E2F2: variants seen among roughly 807,000 people sequenced by gnomAD.
The protein encoded by E2F2 is transcription factor E2F2.
In E2F2, 22 loss-of-function variants were observed where a neutral mutation model predicts 42.2. The observed-to-expected ratio is 0.52, with a 90% CI of 0.37 to 0.74. The LOEUF (loss-of-function observed/expected upper bound fraction) is 0.74. E2F2 is among the 30% of genes least tolerant of loss of function. E2F2 has a pLI of 0.00. For missense variants in E2F2, 481 were observed against 557.8 expected (o/e 0.86, Z 1.39); for synonymous variants, 248 against 251.6 (o/e 0.99, Z 0.13).
intron 1 of E2F2, among the ~76,000 whole-genome samples, chr1:23,529,622 C>T (rs536555690): frequency 6.6e-6 from 1 of 152,340 alleles, no homozygotes; most frequent in African/African-American, 2.4e-5. Context: ...GAGCTAGCCC[C>T]ACAGCCACCC....
At chr1:23,505,465 A>G (rs1381190528), downstream of E2F2, among the ~76,000 whole-genome samples, 1 of 152,124 alleles carries the variant, frequency 6.6e-6, no homozygotes, top group African/African-American at 2.4e-5. Context: ...GGAGCCTCAG[A>G]ATACTGAGTC....
At position 23,509,955 on chromosome 1, in the gene E2F2, C is replaced by T; in HGVS notation, c.1239G>A (p.Leu413=). The change falls in exon 7 of 7, where the codon CTG becomes CTA. Residue 413 remains leucine, a synonymous_variant. Coordinates refer to ENST00000361729, the MANE Select transcript of E2F2 (RefSeq NM_004091.4). ...FSPSLDQDDY[L]WGLEAGEGIS... ...TGCCCTCACCCGCCTCCAAGCCCCACAGGTAGTCGTCCTGGTCCAAGGATG... is the reference window on the plus strand; with the variant it reads ...TGCCCTCACCCGCCTCCAAGCCCCATAGGTAGTCGTCCTGGTCCAAGGATG... 1 of 1,611,186 alleles carries T rather than the reference C, an allele frequency of 6.2e-7. No individual in the cohort carries two copies.
At chr1:23,513,949 C>T (rs1330681076) in intron 6 of E2F2, among the ~76,000 whole-genome samples, 2 of 151,962 alleles carry the variant, frequency 1.3e-5, no homozygotes, top group African/African-American at 4.8e-5. Context: ...CATGGTGAAA[C>T]CCTGTCTCTA....
chr1:23,523,774 T>C (rs1230189412), intron 2 of E2F2, among the ~76,000 whole-genome samples: 2 of 152,016 alleles, frequency 1.3e-5, no homozygotes, highest in African/African-American at 2.4e-5. Flanking sequence ...CATGGTATGG[T>C]AGAAGTAGTG....
In E2F2 at chr1:23,530,571, C is replaced by G; in HGVS notation, c.223G>C (p.Val75Leu). ...ATPHGPEGQV[V>L]RCLPAGRLPA... ...AGCCGGCCTGCCGGCAGGCATCGCA[C>G]AACTTGGCCCTCGGGTCCGTGGGGA... The change falls in exon 1 of 7, where the codon GTG becomes CTG. Residue 75 changes from valine (V) to leucine (L), a missense_variant. By Grantham distance (32) the Val-to-Leu change is conservative. Transcript: ENST00000361729. This position sits in a 1 kb window ranked among gnomAD's most constrained non-coding sequence, Gnocchi z 4.4. The G allele has an allele frequency of 6.2e-7, 1 of 1,612,174 alleles. No individual in the cohort carries two copies. Among genetic ancestry groups the G allele is most frequent in the Non-Finnish European group, 8.5e-7 (1 of 1,179,498 alleles).
In E2F2 at chr1:23,516,490, G is replaced by A. The variant is rs1400418112; in HGVS notation, c.890C>T (p.Pro297Leu). ...CTCTGGGCACAGGTAGACTTCGATG[G>A]GCCCTTGGGTGCTCTTGAGATATAT... ...LQIYLKSTQG[P>L]IEVYLCPEEV... The change falls in exon 6 of 7, where the codon CCC becomes CTC. Residue 297 changes from proline (P) to leucine (L), a missense_variant. By Grantham distance (98) the Pro-to-Leu change is moderately conservative (BLOSUM62 -3). Transcript: ENST00000361729. 6.2e-7 allele frequency: 1 copy of A among 1,609,492 alleles called. No homozygotes were observed. Among genetic ancestry groups the A allele is most frequent in the Non-Finnish European group, 8.5e-7 (1 of 1,178,090 alleles).
At position 23,531,066 on chromosome 1, in the gene E2F2, C is replaced by A; in HGVS notation, c.-273G>T. ...GTCCCGAGGGCACCGCGACCCGGGACGCCCCGCGCTCCCCAAGGCCTCGGC... is the reference window on the plus strand; with the variant it reads ...GTCCCGAGGGCACCGCGACCCGGGAAGCCCCGCGCTCCCCAAGGCCTCGGC... On this transcript the variant is annotated 5_prime_UTR_variant, in exon 1 of 7. Transcript: ENST00000361729. 2.8e-6 allele frequency: 1 copy of A among 361,800 alleles called. No homozygotes were observed. The highest frequency in any genetic ancestry group is 4.7e-5 in the Admixed American group (1 of 21,320). The allele number at this position is 361,800 out of a possible 1,614,324, so 22.4% of individuals were successfully genotyped here.
At chr1:23,521,755 C>T in intron 3 of E2F2, 82 bp downstream of exon 3, 1 of 1,570,832 alleles carries the variant, frequency 6.4e-7, no homozygotes, top group South Asian at 1.2e-5. Flanking sequence ...CCCTGCCACT[C>T]ACACCCACTG....
Position 23,530,748 on chromosome 1 carries a change from G to T in E2F2, c.46C>A (p.Pro16Thr), listed in dbSNP as rs981777823. 1.3e-6 allele frequency: 2 copies of T among 1,586,384 alleles called. No homozygotes were observed. Among genetic ancestry groups the T allele is most frequent in the African/African-American group, 1.3e-5 (1 of 74,524 alleles). Residue 16 changes from proline (P) to threonine (T), a missense_variant, in exon 1 of 7, where the codon CCG becomes ACG. By Grantham distance (38) the Pro-to-Thr change is conservative. Coordinates refer to ENST00000361729, the MANE Select transcript of E2F2 (RefSeq NM_004091.4). The surrounding 1 kb of genome is among the most constrained non-coding windows in gnomAD (Gnocchi z 4.4). Reference sequence around the variant, plus strand: ...GGGCTCATCGCGGGCACCACCTTCGGGGTCTGCCCAGCGGCCGAAGCCAAG... The same window carrying T: ...GGGCTCATCGCGGGCACCACCTTCGTGGTCTGCCCAGCGGCCGAAGCCAAG... ...RALASAAGQT[P>T]KVVPAMSPTE...
chr1:23,521,287 C>A (rs964695662), intron 3 of E2F2, among the ~76,000 whole-genome samples: 1 of 152,144 alleles, frequency 6.6e-6, no homozygotes, highest in South Asian at 2.1e-4. Context: ...GAGGGGCTCT[C>A]GACTCTGTTC....
Position 23,530,946 on chromosome 1 carries a change from C to G in E2F2, c.-153G>C. 1 of 973,596 alleles carries G rather than the reference C, an allele frequency of 1.0e-6. No individual in the cohort carries two copies. Among genetic ancestry groups the G allele is most frequent in the Non-Finnish European group, 1.4e-6 (1 of 708,444 alleles). 60.3% of individuals were successfully genotyped at this position (973,596 alleles called of 1,614,324 possible). Reference sequence around the variant, plus strand: ...CTGCGGGGCAAGGCCGGACCCTCCCCTCCTGGCCCGCGGCCGAGCAGAGAG... The same window carrying G: ...CTGCGGGGCAAGGCCGGACCCTCCCGTCCTGGCCCGCGGCCGAGCAGAGAG... On this transcript the variant is annotated 5_prime_UTR_variant, in exon 1 of 7. Transcript: ENST00000361729. The surrounding 1 kb of genome is among the most constrained non-coding windows in gnomAD (Gnocchi z 4.4).
intron 1 of E2F2, among the ~76,000 whole-genome samples, chr1:23,527,869 C>T (rs1174113080): frequency 6.6e-6 from 1 of 152,216 alleles, no homozygotes; most frequent in Non-Finnish European, 1.5e-5. Context: ...GAGGACCGGG[C>T]GTGGTGGCTC....
chr1:23,527,479 A>C (rs901817056), intron 1 of E2F2, among the ~76,000 whole-genome samples: 3 of 152,222 alleles, frequency 2.0e-5, no homozygotes, highest in African/African-American at 7.2e-5. Context: ...GGAGAAGAGT[A>C]CAGCTCCTTC....
At position 23,530,836 on chromosome 1, in the gene E2F2, G is replaced by T; in HGVS notation, c.-43C>A. ...CTACCCAAAAGGGCTTGGCGCGCCCGCGGACACCTGCGGGTTCCGGTGCTG... is the reference window on the plus strand; with the variant it reads ...CTACCCAAAAGGGCTTGGCGCGCCCTCGGACACCTGCGGGTTCCGGTGCTG... On this transcript the variant is annotated 5_prime_UTR_variant, in exon 1 of 7. Transcript: ENST00000361729. This position sits in a 1 kb window ranked among gnomAD's most constrained non-coding sequence, Gnocchi z 4.4. The T allele has an allele frequency of 7.0e-7, 1 of 1,432,134 alleles. No individual in the cohort carries two copies. Among genetic ancestry groups the T allele is most frequent in the Non-Finnish European group, 9.1e-7 (1 of 1,093,050 alleles). 88.7% of individuals were successfully genotyped at this position (1,432,134 alleles called of 1,614,324 possible). A position where few individuals can be genotyped will look rare whatever the true frequency, so the allele number is the denominator to read the frequency against.
intron 4 of E2F2, among the ~76,000 whole-genome samples, chr1:23,520,236 T>A (rs1395039526): frequency 9.3e-6 from 1 of 108,010 alleles, no homozygotes; most frequent in Non-Finnish European, 1.7e-5. Flanking sequence ...AGAGTGAGAC[T>A]CTGTCTCAAA....
chr1:23,517,996 C>G (rs544568076), intron 5 of E2F2, among the ~76,000 whole-genome samples: 9 of 152,092 alleles, frequency 5.9e-5, no homozygotes, highest in South Asian at 2.1e-4. Flanking sequence ...GTGGCAAAAC[C>G]TCGTCTCTAC....
downstream of E2F2, among the ~76,000 whole-genome samples, chr1:23,505,262 C>T (rs1015132807): frequency 3.9e-5 from 6 of 152,248 alleles, no homozygotes; most frequent in Non-Finnish European, 7.4e-5. Context: ...AACTTCATCC[C>T]GAGGGCAGAG....
rs34433615 is a variant in E2F2 at position 23,523,155 on chromosome 1, A to ATTT, written c.359-1102_359-1100dup. On this transcript the variant is annotated intron_variant, in intron 2 of 6. Transcript: ENST00000361729. ...TGCTTTAACTCCTGCTCTAACCAGG[A>ATTT]TTTTTTTTTTTTTTTGGAGATGGAG... Among the ~76,000 whole-genome samples the ATTT allele has an allele frequency of 1.9e-4, 27 of 143,276 alleles. 1 individual carries two copies. Among genetic ancestry groups the ATTT allele is most frequent in the Middle Eastern group, 3.6e-3 (1 of 274 alleles). The allele number at this position is 143,276 out of a possible 152,430, so 94.0% of individuals were successfully genotyped here.
In E2F2 at chr1:23,519,093, C is replaced by G; in HGVS notation, c.775G>C (p.Gly259Arg). ...ATCACTGTCTGCTCCTTAAAGTTGC[C>G]AACAGCACGGATATCCTGGTAAGTC... The part of the protein sequence containing the change: ...YVTYQDIRAV[G>R]NFKEQTVIAV... The change falls in exon 5 of 7, where the codon GGC (glycine) becomes CGC (arginine). Residue 259 changes from glycine (G) to arginine (R), a missense_variant. Gly to Arg is a moderately radical substitution (Grantham distance 125). Transcript: ENST00000361729. 1 of 1,613,898 alleles carries G rather than the reference C, an allele frequency of 6.2e-7. No homozygotes were observed. The highest frequency in any genetic ancestry group is 1.1e-5 in the South Asian group (1 of 91,012).
Sources: allele counts gnomAD v4.1 joint callset (sites outside exome capture counted in the v4.1 genomes callset), GRCh38; gene constraint gnomAD v4.1.1; non-coding constraint Gnocchi (gnomAD v3.1); transcripts MANE v1.5; gene names NCBI Gene and HGNC (gene_info 2026-07-23, HGNC 2026-07-21).